GALNS: variants seen among roughly 807,000 people sequenced by gnomAD.
The protein encoded by GALNS is galactosamine (N-acetyl)-6-sulfatase, also known as N-acetylgalactosamine-6-sulfatase.
Under a neutral mutation model 65.9 loss-of-function variants are expected in GALNS, and 65 were observed. The observed-to-expected ratio is 0.99, with a 90% CI of 0.81 to 1.21. The LOEUF (loss-of-function observed/expected upper bound fraction) is 1.21. GALNS is among the 50% of genes most tolerant of loss of function. GALNS has a pLI of 0.00. For synonymous variants in GALNS, 346 were observed against 288.9 expected (o/e 1.20, Z -2.00); for missense variants, 776 against 700.7 (o/e 1.11, Z -1.21).
intron 1 of GALNS, chr16:88,855,860 G>A (rs544291608): frequency 7.9e-5 from 40 of 503,726 alleles, no homozygotes; most frequent in African/African-American, 6.9e-4. Flanking sequence ...CAGCACACAG[G>A]GGCTGAGCGA....
At chr16:88,829,816 G>A (rs1052684395) in intron 9 of GALNS, among the ~76,000 whole-genome samples, 11 of 152,352 alleles carry the variant, frequency 7.2e-5, no homozygotes, top group East Asian at 1.9e-4. Context: ...CTTCAGGCGC[G>A]CGACCAGGCC....
In GALNS at chr16:88,826,783, G is replaced by C. The variant is rs774113183; in HGVS notation, c.1058C>G (p.Ala353Gly). Residue 353 changes from alanine to glycine, a missense_variant, in exon 10 of 14, where the codon GCG becomes GGG. Ala to Gly is a moderately conservative substitution (Grantham distance 60). Coordinates refer to ENST00000268695, the MANE Select transcript of GALNS (RefSeq NM_000512.5). ...MDLFTTSLALAGLTPPSDRAI... is the reference protein window; with the variant it reads ...MDLFTTSLALGGLTPPSDRAI... ...CCTGTCGCTGGGCGGCGTCAGGCCC[G>C]CAAGGGCCAGGCTGGTGGTGAAGAG... The C allele has an allele frequency of 1.4e-5, 22 of 1,602,700 alleles. No individual in the cohort carries two copies. Among genetic ancestry groups the C allele is most frequent in the Non-Finnish European group, 1.8e-5 (21 of 1,175,308 alleles).
chr16:88,856,536 C>G, intron 1 of GALNS: 3 of 696,726 alleles, frequency 4.3e-6, no homozygotes, highest in South Asian at 1.5e-5. Flanking sequence ...ACGCCTGGAC[C>G]CCGCGGCCAC....
intron 10 of GALNS, among the ~76,000 whole-genome samples, chr16:88,825,438 G>A (rs1597543720): frequency 6.8e-6 from 1 of 146,826 alleles, no homozygotes. Flanking sequence ...GGTGTCTAGG[G>A]CTGGAGTGCC....
At chr16:88,851,607 A>G (rs1210559976) in intron 1 of GALNS, among the ~76,000 whole-genome samples, 15 of 152,214 alleles carry the variant, frequency 9.9e-5, no homozygotes, top group Admixed American at 9.8e-4. Context: ...TTTCCTAGCC[A>G]AGGGAAGCCG....
rs145422575 is a variant in GALNS, at chr16:88,851,375, G to A, written c.120+5383C>T. Among the ~76,000 whole-genome samples the A allele has an allele frequency of 3.9e-3, 600 of 152,248 alleles. 2 individuals are homozygous for A. Among genetic ancestry groups the A allele is most frequent in the Non-Finnish European group, 4.8e-3 (325 of 68,012 alleles). On this transcript the variant is annotated intron_variant, in intron 1 of 13. Transcript: ENST00000268695. ...AAAAAAACTTTTTTTTTAATTAGCC[G>A]GGTGTGGGGATTCCGTTCCAACATG...
At chr16:88,839,116 C>G (rs1220410736) in intron 4 of GALNS, among the ~76,000 whole-genome samples, 5 of 152,006 alleles carry the variant, frequency 3.3e-5, no homozygotes, top group African/African-American at 9.7e-5. Context: ...CGTCCACGTC[C>G]GCAGGTCACC....
chr16:88,821,517 TGAGCTG>T (rs1350968461), intron 12 of GALNS, among the ~76,000 whole-genome samples: 3 of 152,230 alleles, frequency 2.0e-5, no homozygotes, highest in African/African-American at 7.2e-5. Context: ...CCTGGGCTTC[TGAGCTG>T]GACGCTCGGT....
At chr16:88,843,271 G>C in intron 1 of GALNS, 10 of 1,221,144 alleles carry the variant, frequency 8.2e-6, no homozygotes, top group Non-Finnish European at 8.6e-6. Context: ...ACTGGTAACT[G>C]TCCCCCAGAA....
intron 10 of GALNS, among the ~76,000 whole-genome samples, chr16:88,825,761 G>T (rs1461610230): frequency 6.6e-6 from 1 of 152,102 alleles, no homozygotes; most frequent in African/African-American, 2.4e-5. Context: ...CAGGAACGGG[G>T]AGTGGGGGAC....
In GALNS at chr16:88,856,003, G is replaced by A. The variant is rs1967834724; in HGVS notation, c.120+755C>T. ...AGAATGGAAGTGACCCCCAAGCTTG[G>A]AGACAGTAGGGTTTCAACCCAGGTG... On this transcript the variant is annotated intron_variant, in intron 1 of 13. Transcript: ENST00000268695. 4 of 598,884 alleles carry A rather than the reference G, an allele frequency of 6.7e-6. No individual in the cohort carries two copies. In the East Asian group the frequency reaches 8.3e-5, roughly 12 times the overall value. The allele number at this position is 598,884 out of a possible 1,614,324, so 37.1% of individuals were successfully genotyped here. A position where few individuals can be genotyped will look rare whatever the true frequency, so the allele number is the denominator to read the frequency against.
At chr16:88,828,792 G>A (rs1034814466) in intron 9 of GALNS, among the ~76,000 whole-genome samples, 3 of 152,206 alleles carry the variant, frequency 2.0e-5, no homozygotes, top group Admixed American at 6.5e-5. Context: ...GCATGGAGCC[G>A]GGCGGCGCTG....
At chr16:88,840,774 C>T (rs1966928040) in intron 4 of GALNS, 1 of 592,500 alleles carries the variant, frequency 1.7e-6, no homozygotes, top group East Asian at 2.9e-5. Context: ...GCAGGATACT[C>T]GCGGCCGTGG....
At chr16:88,837,508 A>G (rs565283483) in intron 5 of GALNS, 114 bp downstream of exon 5, 14 of 1,113,044 alleles carry the variant, frequency 1.3e-5, no homozygotes, top group Admixed American at 1.8e-5. Flanking sequence ...GGACCCAGGG[A>G]CAGACCAGCC....
intron 1 of GALNS, chr16:88,856,140 G>T: frequency 1.4e-6 from 1 of 702,260 alleles, no homozygotes; most frequent in South Asian, 1.5e-5. Flanking sequence ...TGTGACCCCT[G>T]ACCCCGCACT....
rs1464759831 is a variant in GALNS, at chr16:88,822,607, C to T, written c.1346G>A (p.Gly449Glu). 2 of 1,612,714 alleles carry T rather than the reference C, an allele frequency of 1.2e-6. No homozygotes were observed. The highest frequency in any genetic ancestry group is 2.2e-5 in the East Asian group (1 of 44,860). The change falls in exon 12 of 14, where the codon GGG becomes GAG. Residue 449 changes from glycine (G) to glutamate (E), a missense_variant. Physicochemically the swap from Gly to Glu is moderately conservative, Grantham distance 98 (BLOSUM62 -2). Transcript: ENST00000268695. ...GACTCACCTGAGGGGGAACCTCTCC[C>T]CTGGGTCCCGTCCCAGGTGGAAGAT... ...PLIFHLGRDP[G>E]ERFPLSFASA...
At chr16:88,841,265 G>A (rs1292777938) in intron 3 of GALNS, among the ~76,000 whole-genome samples, 171 bp from the exon 4 acceptor site, 1 of 152,198 alleles carries the variant, frequency 6.6e-6, no homozygotes, top group Non-Finnish European at 1.5e-5. Flanking sequence ...CACTTCCCAA[G>A]ATTTTTCCAG....
intron 4 of GALNS, among the ~76,000 whole-genome samples, chr16:88,839,856 T>C (rs1192766299): frequency 3.3e-5 from 5 of 152,170 alleles, no homozygotes; most frequent in African/African-American, 4.8e-5. Flanking sequence ...TGACCATGCA[T>C]AGGAGGCCGC....
In GALNS at chr16:88,848,761, G is replaced by A. The variant is rs182596836; in HGVS notation, c.121-5932C>T. ...CAGAGGGGAAGCCCTCACCGGGGGC[G>A]GGGGTGGCAGCGTGCTGACTGGGAA... On this transcript the variant is annotated intron_variant, in intron 1 of 13. Transcript: ENST00000268695. Among the ~76,000 whole-genome samples, 573 of 152,156 alleles carry A rather than the reference G, an allele frequency of 3.8e-3. 3 individuals are homozygous for A. The highest frequency in any genetic ancestry group is 0.013 in the African/African-American group (537 of 41,424).
Sources: allele counts gnomAD v4.1 joint callset (sites outside exome capture counted in the v4.1 genomes callset), GRCh38; gene constraint gnomAD v4.1.1; transcripts MANE v1.5; gene names NCBI Gene and HGNC (gene_info 2026-07-23, HGNC 2026-07-21).